The following FAAH2 variants were observed in gnomAD, a reference collection of about 807,000 sequenced individuals.
The protein encoded by FAAH2 is fatty-acid amide hydrolase 2.
In FAAH2, 60 loss-of-function variants were observed where a neutral mutation model predicts 36.9. The ratio of observed to expected loss-of-function variants is 1.63; its 90% CI spans 1.32 to 2.02. The LOEUF is 2.02. Ranked by LOEUF, FAAH2 falls within the 30% of genes most tolerant of loss-of-function variation. The pLI, the probability that FAAH2 is intolerant of heterozygous loss-of-function variation, is 0.00. For missense variants in FAAH2, 689 were observed against 397.5 expected (o/e 1.73, Z -6.23); for synonymous variants, 214 against 143.8 (o/e 1.49, Z -3.49).
At chrX:57,126,797 A>C in the FAAH2 span, 1 of 111,800 alleles carries the variant, frequency 8.9e-6, no homozygotes, top group Admixed American at 9.5e-5. Context: ...ATTAAGCATC[A>C]TAGTATGTCT....
chrX:57,205,613 A>G, the FAAH2 span, among the ~76,000 whole-genome samples: 2 of 112,301 alleles, frequency 1.8e-5, no homozygotes, highest in African/African-American at 6.5e-5. Context: ...GAGCTGAAGT[A>G]TAGGGCATCT....
rs2057398453 is a variant in FAAH2 at position 57,482,537 on chromosome X, C to A, written c.1424-6220C>A. ...ACTTCCTGGGTGAGGCAATGCCCCA[C>A]CCTGCTTCTGCTCACCCTCCTGTGG... On this transcript the variant is annotated intron_variant, in intron 10 of 10. Coordinates refer to ENST00000374900, the MANE Select transcript of FAAH2 (RefSeq NM_174912.4). Among the ~76,000 whole-genome samples the A allele has an allele frequency of 2.7e-5, 3 of 109,809 alleles. No homozygotes were observed. The Admixed American group carries it at 2.9e-4, about 11-fold the overall frequency.
the FAAH2 span, among the ~76,000 whole-genome samples, chrX:57,167,892 C>T: frequency 1.8e-5 from 2 of 111,489 alleles, no homozygotes; most frequent in Non-Finnish European, 3.8e-5. Flanking sequence ...GAGTGGGCCT[C>T]CTGTCATTAG....
intron 7 of FAAH2, chrX:57,392,954 C>T (rs758583365): frequency 9.3e-5 from 85 of 915,220 alleles, no homozygotes; most frequent in Non-Finnish European, 1.3e-4. Flanking sequence ...CATAGATCTT[C>T]TGTGCAATGA....
At chrX:57,474,275 G>A (rs193147275) in intron 10 of FAAH2, among the ~76,000 whole-genome samples, 73 of 111,098 alleles carry the variant, frequency 6.6e-4, no homozygotes, top group Non-Finnish European at 1.1e-3. Context: ...ATGTGCCATG[G>A]TGGTTTCCTG....
chrX:57,436,531 AAG>A (rs1427390740), intron 8 of FAAH2, among the ~76,000 whole-genome samples: 1 of 111,128 alleles, frequency 9.0e-6, no homozygotes, highest in African/African-American at 3.3e-5. Context: ...GAAATGAAAA[AAG>A]AGAGATTACA....
intron 4 of FAAH2, among the ~76,000 whole-genome samples, chrX:57,335,500 A>T (rs1366317969): frequency 8.9e-6 from 1 of 112,988 alleles, no homozygotes; most frequent in African/African-American, 3.2e-5. Context: ...TCAACGCCTT[A>T]AAGAGCAGTA....
At chrX:57,199,081 T>C in the FAAH2 span, among the ~76,000 whole-genome samples, 85 of 111,263 alleles carry the variant, frequency 7.6e-4, 1 homozygote, top group African/African-American at 2.7e-3. Flanking sequence ...CACACTCTTC[T>C]GTGTCTCTCA....
Position 57,466,156 on chromosome X carries a change from C to CTCTATA in FAAH2, c.1423+17439_1423+17440insCTATAT, listed in dbSNP as rs1287266105. Among the ~76,000 whole-genome samples, 316 of 66,371 alleles carry CTCTATA rather than the reference C, an allele frequency of 4.8e-3. 1 individual carries two copies. Among genetic ancestry groups the CTCTATA allele is most frequent in the Middle Eastern group, 0.014 (1 of 73 alleles). 57.6% of individuals were successfully genotyped at this position (66,371 alleles called of 115,157 possible). A position where few individuals can be genotyped will look rare whatever the true frequency, so the allele number is the denominator to read the frequency against. On this transcript the variant is annotated intron_variant, in intron 10 of 10. Transcript: ENST00000374900. ...TCTCTCTCTCTCTCTCTCTCTCTCT[C>CTCTATA]TATATATATATATATATATATATAC... is the stretch of plus-strand genomic sequence containing the variant.
chrX:57,268,927 T>A, the FAAH2 span, among the ~76,000 whole-genome samples: 5 of 111,591 alleles, frequency 4.5e-5, no homozygotes, highest in Non-Finnish European at 9.4e-5. Context: ...AATGCTCCAA[T>A]TAAAAGACAG....
intron 5 of FAAH2, among the ~76,000 whole-genome samples, chrX:57,377,523 G>A (rs1212958340): frequency 8.9e-6 from 1 of 112,202 alleles, no homozygotes; most frequent in Non-Finnish European, 1.9e-5. Context: ...CTTGGTACCA[G>A]TACCATGCTG....
At position 57,306,441 on chromosome X, in the gene FAAH2, T is replaced by A. The variant is rs753592318; in HGVS notation, c.276-4152T>A. Among the ~76,000 whole-genome samples the A allele has an allele frequency of 5.4e-5, 6 of 110,511 alleles. No homozygotes were observed. The East Asian group carries it at 1.4e-3, about 26-fold the overall frequency. On this transcript the variant is annotated intron_variant, in intron 2 of 10. Transcript: ENST00000374900. ...GAAAAGGTAGTGGTGTGGCCAATAATCATAAAGATCCTCACAATTTGACAA... is the reference window on the plus strand; with the variant it reads ...GAAAAGGTAGTGGTGTGGCCAATAAACATAAAGATCCTCACAATTTGACAA...
intron 10 of FAAH2, among the ~76,000 whole-genome samples, chrX:57,480,181 G>A (rs1008506931): frequency 9.0e-6 from 1 of 111,324 alleles, no homozygotes; most frequent in Non-Finnish European, 1.9e-5. Flanking sequence ...TCTACCAGAG[G>A]TACAGGGAGG....
rs753572738 is a variant in FAAH2, at chrX:57,419,249, G to T, written c.997-12669G>T. 1.9e-3 allele frequency among the ~76,000 whole-genome samples: 209 copies of T among 110,140 alleles called. 2 individuals carry two copies. Among genetic ancestry groups the T allele is most frequent in the African/African-American group, 6.7e-3 (203 of 30,176 alleles). ...TATATACCCAGTAATGGGATGGCTG[G>T]GTCAAATGGTATTTCTAGTTCTAGA... On this transcript the variant is annotated intron_variant, in intron 7 of 10. Transcript: ENST00000374900.
chrX:57,185,359 TACTTCATTTAGTAAAATG>T, the FAAH2 span, among the ~76,000 whole-genome samples: 1 of 111,419 alleles, frequency 9.0e-6, no homozygotes, highest in African/African-American at 3.3e-5. Context: ...GTGCCTGGTT[TACTTCATTTAGTAAAATG>T]ACTTCCACTT....
intron 1 of FAAH2, among the ~76,000 whole-genome samples, chrX:57,288,403 G>A (rs112941462): frequency 0.22 from 19,955 of 90,433 alleles, 2,205 homozygotes; most frequent in Middle Eastern, 0.6. Context: ...GGGCTGGAGT[G>A]CAGTGGTGCG....
chrX:57,176,437 C>A, the FAAH2 span, among the ~76,000 whole-genome samples: 1 of 111,249 alleles, frequency 9.0e-6, no homozygotes, highest in Non-Finnish European at 1.9e-5. Context: ...ATTATTGTTT[C>A]TTTAAATTAT....
At chrX:57,242,835 G>A in the FAAH2 span, among the ~76,000 whole-genome samples, 1 of 112,301 alleles carries the variant, frequency 8.9e-6, no homozygotes, top group East Asian at 2.8e-4. Context: ...GGGCATCTGT[G>A]TGGGCAGAAA....
chrX:57,380,827 A>AGAGC, intron 6 of FAAH2, 85 bp from the exon 7 acceptor site: 1 of 554,961 alleles, frequency 1.8e-6, no homozygotes, highest in Non-Finnish European at 2.9e-6. Flanking sequence ...ATACTTCATT[A>AGAGC]GAGCTGAAGC....
Sources: allele counts gnomAD v4.1 joint callset (sites outside exome capture counted in the v4.1 genomes callset), GRCh38; gene constraint gnomAD v4.1.1; transcripts MANE v1.5; gene names NCBI Gene and HGNC (gene_info 2026-07-23, HGNC 2026-07-21).